SHFL: variants seen among roughly 807,000 people sequenced by gnomAD.
SHFL encodes the protein shiftless antiviral inhibitor of ribosomal frameshifting.
In SHFL, 12 loss-of-function variants were observed where a neutral mutation model predicts 34.7. The observed-to-expected ratio is 0.35, with a 90% CI of 0.22 to 0.56. The LOEUF is 0.56. Ranked by LOEUF, SHFL falls within the 20% of genes least tolerant of loss-of-function variation. The pLI, the probability that SHFL is intolerant of heterozygous loss-of-function variation, is 0.88. For missense variants in SHFL, 278 were observed against 411.1 expected, an observed-to-expected ratio of 0.68 and a Z score of 2.80; for synonymous variants, 148 against 156.0, an observed-to-expected ratio of 0.95 and a Z score of 0.38.
chr19:10,086,812 G>GT lies in SHFL; in HGVS notation c.22-117_22-116insT. On this transcript the variant is annotated intron_variant, in intron 1 of 7. Coordinates refer to ENST00000253110, the MANE Select transcript of SHFL (RefSeq NM_018381.4). The surrounding 1 kb of genome is among the most constrained non-coding windows in gnomAD (Gnocchi z 5.2). ...GTAAAGGGATGAAAGGCGGGGGGGG[G>GT]GCGGCGGAGGCCAAAACCAAGGGTC... 1 of 1,210,490 alleles carries GT rather than the reference G, an allele frequency of 8.3e-7. No individual in the cohort carries two copies. 75.0% of individuals were successfully genotyped at this position (1,210,490 alleles called of 1,614,324 possible).
At chr19:10,090,891 G>A (rs1277835677) in intron 5 of SHFL, among the ~76,000 whole-genome samples, 1 of 151,018 alleles carries the variant, frequency 6.6e-6, no homozygotes, top group East Asian at 1.9e-4. Flanking sequence ...CTGGGTGACA[G>A]AGCAAGACTC....
chr19:10,092,295 G>T lies in SHFL; in HGVS notation c.869G>T (p.Arg290Met), dbSNP rs757297074. ...EEVEDEEGGPRE is the reference protein window; with the variant it reads ...EEVEDEEGGPME ...GTGGAGGACGAGGAGGGCGGGCCCAGGGAGTGACCCCTGCCAGGTGCAGAT... is the reference window on the plus strand; with the variant it reads ...GTGGAGGACGAGGAGGGCGGGCCCATGGAGTGACCCCTGCCAGGTGCAGAT... The change falls in exon 8 of 8, where the codon AGG (arginine) becomes ATG (methionine). Residue 290 changes from arginine to methionine, a missense_variant. By Grantham distance (91) the Arg-to-Met change is moderately conservative. Around this residue, in one of 2 missense-constraint regions of SHFL, gnomAD observed 35 missense variants for 24.9 expected, o/e 1.41. Transcript: ENST00000253110. 6.3e-6 allele frequency: 10 copies of T among 1,575,430 alleles called. No individual in the cohort carries two copies. In the Admixed American group the frequency reaches 1.5e-4, roughly 24 times the overall value.
Position 10,089,406 on chromosome 19 carries a change from C to A in SHFL, c.196-251C>A, listed in dbSNP as rs747905526. On this transcript the variant is annotated intron_variant, in intron 3 of 7. Transcript: ENST00000253110. ...GAGTATGGGGGTCAGGCTAGCCTCA[C>A]TCAGGCAAGCCCTCCCCTAAGCCTC... 4.9e-5 allele frequency: 78 copies of A among 1,595,628 alleles called. 1 individual carries two copies. Among genetic ancestry groups the A allele is most frequent in the Non-Finnish European group, 6.4e-5 (75 of 1,176,910 alleles).
chr19:10,086,829 C>A lies in SHFL; in HGVS notation c.22-100C>A. ...GGGGGGGGGGCGGCGGAGGCCAAAA[C>A]CAAGGGTCAAGTTCGGGCCGGGAGA... On this transcript the variant is annotated intron_variant, in intron 1 of 7. Transcript: ENST00000253110. The surrounding 1 kb of genome is among the most constrained non-coding windows in gnomAD (Gnocchi z 5.2). 6 of 1,394,982 alleles carry A rather than the reference C, an allele frequency of 4.3e-6. No individual in the cohort carries two copies. Among genetic ancestry groups the A allele is most frequent in the African/African-American group, 1.5e-5 (1 of 68,934 alleles). The allele number at this position is 1,394,982 out of a possible 1,614,324, so 86.4% of individuals were successfully genotyped here.
At position 10,087,043 on chromosome 19, in the gene SHFL, A is replaced by C; in HGVS notation, c.136A>C (p.Ile46Leu). The change falls in exon 2 of 8, where the codon ATC (isoleucine) becomes CTC (leucine). Residue 46 changes from isoleucine to leucine, a missense_variant. Physicochemically the swap from Ile to Leu is conservative, Grantham distance 5. Transcript: ENST00000253110. ...GSDHTGVGRS[I>L]VYGVKQKDGQ... ...CGACCACACGGGAGTGGGGCGCTCC[A>C]TCGTGTACGGTGAGGCTGCAGGGGT... The C allele has an allele frequency of 6.2e-7, 1 of 1,611,878 alleles. No homozygotes were observed. The highest frequency in any genetic ancestry group is 8.5e-7 in the Non-Finnish European group (1 of 1,179,012).
chr19:10,092,787 G>A lies in SHFL; in HGVS notation c.*485G>A, dbSNP rs765443316. ...GGTACAGGGCACAGTTACCTGAGGGGAGAGAGAGAGTCCATGTCCTCTCAC... is the reference window on the plus strand; with the variant it reads ...GGTACAGGGCACAGTTACCTGAGGGAAGAGAGAGAGTCCATGTCCTCTCAC... On this transcript the variant is annotated 3_prime_UTR_variant, in exon 8 of 8. Coordinates refer to ENST00000253110, the MANE Select transcript of SHFL (RefSeq NM_018381.4). 1 of 1,579,462 alleles carries A rather than the reference G, an allele frequency of 6.3e-7. No individual in the cohort carries two copies. Among genetic ancestry groups the A allele is most frequent in the Non-Finnish European group, 8.6e-7 (1 of 1,156,182 alleles).
At chr19:10,089,862 C>A in intron 4 of SHFL, 36 bp from the exon 5 acceptor site, 1 of 1,600,538 alleles carries the variant, frequency 6.2e-7, no homozygotes, top group Non-Finnish European at 8.5e-7. Flanking sequence ...AGGGGTGACA[C>A]CCCCCCACCT....
chr19:10,091,039 G>A lies in SHFL; in HGVS notation c.385-211G>A, dbSNP rs2145157896. Reference sequence around the variant, plus strand: ...TTAACTAGTTCTTGCAAAAGAGGCAGGAAGCCAAGATGTGTAGTGTTTGCC... The same window carrying A: ...TTAACTAGTTCTTGCAAAAGAGGCAAGAAGCCAAGATGTGTAGTGTTTGCC... On this transcript the variant is annotated intron_variant, in intron 5 of 7. Transcript: ENST00000253110. The surrounding 1 kb of genome is among the most constrained non-coding windows in gnomAD (Gnocchi z 8.2). 6.6e-6 allele frequency among the ~76,000 whole-genome samples: 1 copy of A among 152,300 alleles called. No homozygotes were observed. Among genetic ancestry groups the A allele is most frequent in the African/African-American group, 2.4e-5 (1 of 41,560 alleles).
chr19:10,092,436 TG>T lies in SHFL; in HGVS notation c.*137del, dbSNP rs1407705672. 26 of 1,522,014 alleles carry T rather than the reference TG, an allele frequency of 1.7e-5. No individual in the cohort carries two copies. The East Asian group carries it at 6.1e-4, about 36-fold the overall frequency. 94.3% of individuals were successfully genotyped at this position (1,522,014 alleles called of 1,614,324 possible). ...CCAAGATATTGACGGGGGGGATTCC[TG>T]GGTCCCATTTTCAGCGCCCAGGGTC... On this transcript the variant is annotated 3_prime_UTR_variant, in exon 8 of 8. Coordinates refer to ENST00000253110, the MANE Select transcript of SHFL (RefSeq NM_018381.4).
chr19:10,090,917 AAAG>A (rs985541069), intron 5 of SHFL, among the ~76,000 whole-genome samples: 4 of 120,460 alleles, frequency 3.3e-5, no homozygotes, highest in Admixed American at 1.1e-4. Flanking sequence ...CTAAAAAAAA[AAAG>A]AAAGAAAGAA....
chr19:10,087,232 T>C lies in SHFL; in HGVS notation c.146-19T>C, dbSNP rs749262992. On this transcript the variant is annotated intron_variant, in intron 2 of 7. Coordinates refer to ENST00000253110, the MANE Select transcript of SHFL (RefSeq NM_018381.4). ...AGACCCTTCAAGGGCCCTTCCCTTATATGCACTCTCCCCCGCAGGGGTAAA... is the reference window on the plus strand; with the variant it reads ...AGACCCTTCAAGGGCCCTTCCCTTACATGCACTCTCCCCCGCAGGGGTAAA... 2.5e-6 allele frequency: 4 copies of C among 1,613,852 alleles called. No individual in the cohort carries two copies. Among genetic ancestry groups the C allele is most frequent in the Non-Finnish European group, 3.4e-6 (4 of 1,179,876 alleles).
In SHFL at chr19:10,086,372, G is replaced by C. The variant is rs1343893026; in HGVS notation, c.-56G>C. ...TGGACCGACGGGCGCACCCAGGTAG[G>C]GGGGCGGCTGAGCCGCGCAGTGCGG... On this transcript the variant is annotated 5_prime_UTR_variant, in exon 1 of 8. Coordinates refer to ENST00000253110, the MANE Select transcript of SHFL (RefSeq NM_018381.4). This position sits in a 1 kb window ranked among gnomAD's most constrained non-coding sequence, Gnocchi z 5.2. 16 of 1,268,604 alleles carry C rather than the reference G, an allele frequency of 1.3e-5. No homozygotes were observed. The highest frequency in any genetic ancestry group is 4.0e-5 in the Admixed American group (1 of 24,994). The allele number at this position is 1,268,604 out of a possible 1,614,324, so 78.6% of individuals were successfully genotyped here. A position where few individuals can be genotyped will look rare whatever the true frequency, so the allele number is the denominator to read the frequency against.
intron 5 of SHFL, 26 bp downstream of exon 5, chr19:10,090,073 C>G (rs1268905328): frequency 1.3e-6 from 2 of 1,587,032 alleles, no homozygotes; most frequent in Non-Finnish European, 1.7e-6. Flanking sequence ...TTAACCTCGA[C>G]TTTGACTGTC....
intron 3 of SHFL, 90 bp downstream of exon 3, chr19:10,087,390 T>TC: frequency 7.2e-7 from 1 of 1,393,376 alleles, no homozygotes; most frequent in Non-Finnish European, 1.0e-6. Flanking sequence ...CTGACCCCCC[T>TC]CTGAAACAGG....
At chr19:10,092,022 T>G (rs529903488) in intron 7 of SHFL, 48 bp from the exon 8 acceptor site, 1 of 1,611,040 alleles carries the variant, frequency 6.2e-7, no homozygotes, top group South Asian at 1.1e-5. Context: ...CTCCCCAGAC[T>G]CTCATGGGAC....
rs2088381195 is a variant in SHFL, at chr19:10,091,300, C to A, written c.435C>A (p.Asp145Glu). 1 of 1,613,936 alleles carries A rather than the reference C, an allele frequency of 6.2e-7. No individual in the cohort carries two copies. The highest frequency in any genetic ancestry group is 8.5e-7 in the Non-Finnish European group (1 of 1,179,856). The change falls in exon 6 of 8, where the codon GAC becomes GAA. Residue 145 changes from aspartate to glutamate, a missense_variant. By Grantham distance (45) the Asp-to-Glu change is conservative. This residue lies in a region of SHFL where 243 missense variants were observed against 386.2 expected (regional missense o/e 0.63). Transcript: ENST00000253110. This position sits in a 1 kb window ranked among gnomAD's most constrained non-coding sequence, Gnocchi z 8.2. ...AGCGCTACGAGCCAGTGCCAGCTGACAAGATGTGGGGCCTGGCTGAGTTCC... is the reference window on the plus strand; with the variant it reads ...AGCGCTACGAGCCAGTGCCAGCTGAAAAGATGTGGGGCCTGGCTGAGTTCC... ...CRKRYEPVPA[D>E]KMWGLAEFHC...
intron 3 of SHFL, 118 bp downstream of exon 3, chr19:10,087,418 G>A (rs2088306356): frequency 1.9e-6 from 2 of 1,049,146 alleles, no homozygotes; most frequent in Admixed American, 2.1e-5. Flanking sequence ...AGGCATTGTC[G>A]GTCCATAACT....
rs2088295954 is a variant in SHFL at position 10,086,868 on chromosome 19, A to G, written c.22-61A>G. 6.3e-7 allele frequency: 1 copy of G among 1,588,070 alleles called. No homozygotes were observed. The highest frequency in any genetic ancestry group is 1.4e-5 in the African/African-American group (1 of 74,028). ...CGGGCCGGGAGAACGGTGCCTAGAG[A>G]TGGGGGAGGGATGATCCCGTTTCCC... is the stretch of plus-strand genomic sequence containing the variant. On this transcript the variant is annotated intron_variant, in intron 1 of 7. Transcript: ENST00000253110. The surrounding 1 kb of genome is among the most constrained non-coding windows in gnomAD (Gnocchi z 5.2).
Position 10,091,743 on chromosome 19 carries a change from CA to C in SHFL, c.643+114del, listed in dbSNP as rs1298942024. ...CTCCCACAGCAGCAGCCACTGCTTCCACATGGCCTCCATGACCCCCCAGTCT... is the reference window on the plus strand; with the variant it reads ...CTCCCACAGCAGCAGCCACTGCTTCCCATGGCCTCCATGACCCCCCAGTCT... On this transcript the variant is annotated intron_variant, in intron 7 of 7. Coordinates refer to ENST00000253110, the MANE Select transcript of SHFL (RefSeq NM_018381.4). This position sits in a 1 kb window ranked among gnomAD's most constrained non-coding sequence, Gnocchi z 8.2. 9 of 1,360,448 alleles carry C rather than the reference CA, an allele frequency of 6.6e-6. No individual in the cohort carries two copies. In the East Asian group the frequency reaches 2.3e-4, roughly 35 times the overall value. 84.3% of individuals were successfully genotyped at this position (1,360,448 alleles called of 1,614,324 possible). A position where few individuals can be genotyped will look rare whatever the true frequency, so the allele number is the denominator to read the frequency against.
Sources: gnomAD v4.1 joint callset for allele counts (sites outside exome capture counted in the v4.1 genomes callset) on GRCh38, gnomAD v4.1.1 for gene constraint, gnomAD v4.1.1 regional missense constraint, Gnocchi (gnomAD v3.1) non-coding constraint, MANE v1.5 for transcripts, NCBI Gene and HGNC (gene_info 2026-07-23, HGNC 2026-07-21) for gene names.